The following PIAS1 variants were observed in gnomAD, a reference collection of about 807,000 sequenced individuals.
PIAS1 encodes protein inhibitor of activated STAT 1, also known as E3 SUMO-protein ligase PIAS1.
A neutral mutation model predicts 71.3 loss-of-function variants in PIAS1; 6 were observed. The ratio of observed to expected loss-of-function variants is 0.08; its 90% CI spans 0.05 to 0.17. The LOEUF (loss-of-function observed/expected upper bound fraction) is 0.17. Ranked by LOEUF, PIAS1 falls within the 10% of genes least tolerant of loss-of-function variation. The pLI, the probability that PIAS1 is intolerant of heterozygous loss-of-function variation, is 1.00. For synonymous variants in PIAS1, 303 were observed against 292.9 expected (o/e 1.03, Z -0.35); for missense variants, 555 against 793.6 (o/e 0.70, Z 3.61).
At chr15:68,123,981 T>TAC (rs201775354) in intron 2 of PIAS1, among the ~76,000 whole-genome samples, 6,338 of 21,622 alleles carry the variant, frequency 0.29, 149 homozygotes, top group South Asian at 0.39. Context: ...TATGTGTGAA[T>TAC]ATACACACAC....
chr15:68,108,304 A>G (rs1334626217), intron 2 of PIAS1, among the ~76,000 whole-genome samples: 3 of 152,092 alleles, frequency 2.0e-5, no homozygotes, highest in African/African-American at 7.2e-5. Context: ...GCCAAACCCC[A>G]TGATCTGTTC....
intron 2 of PIAS1, among the ~76,000 whole-genome samples, chr15:68,091,617 G>T (rs927909250): frequency 6.6e-6 from 1 of 152,020 alleles, no homozygotes; most frequent in Non-Finnish European, 1.5e-5. Context: ...CATTCATTTG[G>T]ACTACAGATA....
chr15:68,074,395 C>G (rs1328634796), intron 1 of PIAS1, among the ~76,000 whole-genome samples: 1 of 152,104 alleles, frequency 6.6e-6, no homozygotes, highest in Non-Finnish European at 1.5e-5. Context: ...GCTTGATCTG[C>G]TGGGCTCAAG....
At chr15:68,177,278 CAAAAAA>C (rs3083984) in intron 11 of PIAS1, among the ~76,000 whole-genome samples, 3 of 90,874 alleles carry the variant, frequency 3.3e-5, no homozygotes, top group African/African-American at 8.4e-5. Flanking sequence ...GACTTTGTCT[CAAAAAA>C]AAAAAAAAAA....
intron 1 of PIAS1, among the ~76,000 whole-genome samples, chr15:68,056,082 TA>T (rs995184930): frequency 2.6e-5 from 4 of 152,200 alleles, no homozygotes; most frequent in South Asian, 2.1e-4. Context: ...ACCCTTGAAA[TA>T]AAAAAAAGCA....
intron 1 of PIAS1, chr15:68,061,340 C>A (rs2091956940): frequency 6.6e-6 from 1 of 152,224 alleles, no homozygotes; most frequent in Admixed American, 6.5e-5. Flanking sequence ...ATTTCCCCTT[C>A]CATGTTAAAA....
chr15:68,056,061 G>T (rs2091892702), intron 1 of PIAS1: 1 of 549,602 alleles, frequency 1.8e-6, no homozygotes, highest in Non-Finnish European at 3.3e-6. Flanking sequence ...TTGAATATTT[G>T]GAGATAATTA....
At chr15:68,152,111 G>A (rs145448870) in intron 6 of PIAS1, among the ~76,000 whole-genome samples, 12 of 150,628 alleles carry the variant, frequency 8.0e-5, no homozygotes, top group African/African-American at 2.9e-4. Flanking sequence ...TACCACACCC[G>A]GCTAGTTTTT....
chr15:68,138,641 A>C (rs570450722), intron 2 of PIAS1, among the ~76,000 whole-genome samples: 1 of 152,002 alleles, frequency 6.6e-6, no homozygotes, highest in South Asian at 2.1e-4. Flanking sequence ...CACCTGGCTA[A>C]TGTTTGTATT....
At chr15:68,132,210 G>A (rs1266268543) in intron 2 of PIAS1, among the ~76,000 whole-genome samples, 2 of 152,100 alleles carry the variant, frequency 1.3e-5, no homozygotes, top group Non-Finnish European at 2.9e-5. Flanking sequence ...CGGGCATGGT[G>A]GCTCACACCT....
intron 11 of PIAS1, among the ~76,000 whole-genome samples, chr15:68,177,587 G>T (rs1024001949): frequency 5.9e-5 from 9 of 152,150 alleles, no homozygotes; most frequent in Non-Finnish European, 1.3e-4. Flanking sequence ...TTATACTTCA[G>T]TTCATGAAAC....
At chr15:68,177,105 C>A (rs1405127715) in intron 11 of PIAS1, among the ~76,000 whole-genome samples, 1 of 151,656 alleles carries the variant, frequency 6.6e-6, no homozygotes, top group Non-Finnish European at 1.5e-5. Flanking sequence ...CATGGTGAAA[C>A]CTCATCTCTA....
intron 11 of PIAS1, among the ~76,000 whole-genome samples, chr15:68,177,875 G>A (rs1046695395): frequency 2.6e-5 from 4 of 152,156 alleles, no homozygotes; most frequent in African/African-American, 9.7e-5. Context: ...AGAATCACAT[G>A]GCCTGTTGCA....
rs2093004658 is a variant in PIAS1 at position 68,173,592 on chromosome 15, A to C, written c.1009-140A>C. On this transcript the variant is annotated intron_variant, in intron 8 of 13. Coordinates refer to ENST00000249636, the MANE Select transcript of PIAS1 (RefSeq NM_016166.3). The surrounding 1 kb of genome is among the most constrained non-coding windows in gnomAD (Gnocchi z 4.3). ...GGATATTTCACAGGAAATGTGTTTAATGTTCTTCTACATTGATGAAAAGTC... is the reference window on the plus strand; with the variant it reads ...GGATATTTCACAGGAAATGTGTTTACTGTTCTTCTACATTGATGAAAAGTC... The C allele has an allele frequency of 2.2e-6, 1 of 461,856 alleles. No homozygotes were observed. Among genetic ancestry groups the C allele is most frequent in the Admixed American group, 3.9e-5 (1 of 25,380 alleles). 28.6% of individuals were successfully genotyped at this position (461,856 alleles called of 1,614,324 possible). A position where few individuals can be genotyped will look rare whatever the true frequency, so the allele number is the denominator to read the frequency against.
At chr15:68,179,809 C>T (rs2093043163) in intron 11 of PIAS1, among the ~76,000 whole-genome samples, 1 of 151,682 alleles carries the variant, frequency 6.6e-6, no homozygotes, top group African/African-American at 2.4e-5. Flanking sequence ...AACTCCCAAC[C>T]TCAGGTGATC....
chr15:68,118,712 G>C (rs2092586954), intron 2 of PIAS1, among the ~76,000 whole-genome samples: 3 of 152,050 alleles, frequency 2.0e-5, no homozygotes, highest in African/African-American at 7.2e-5. Context: ...TGATTGATTT[G>C]CATTTCCCTT....
intron 6 of PIAS1, among the ~76,000 whole-genome samples, chr15:68,147,341 ATTATT>A (rs2092815089): frequency 6.6e-6 from 1 of 152,004 alleles, no homozygotes; most frequent in Non-Finnish European, 1.5e-5. Flanking sequence ...TACTTTTTTC[ATTATT>A]ACTGAGATTG....
chr15:68,141,906 A>G (rs1197963821), intron 2 of PIAS1, 40 bp from the exon 3 acceptor site: 2 of 1,343,074 alleles, frequency 1.5e-6, no homozygotes, highest in South Asian at 1.3e-5. Context: ...TTACTGGCGA[A>G]TTTAAAGGTA....
At chr15:68,169,862 T>A (rs2092980367) in intron 8 of PIAS1, among the ~76,000 whole-genome samples, 1 of 152,162 alleles carries the variant, frequency 6.6e-6, no homozygotes, top group Non-Finnish European at 1.5e-5. Context: ...ATTGTGTAGA[T>A]CCCATTTTTA....
Sources: gnomAD v4.1 joint callset for allele counts (sites outside exome capture counted in the v4.1 genomes callset) on GRCh38, gnomAD v4.1.1 for gene constraint, Gnocchi (gnomAD v3.1) non-coding constraint, MANE v1.5 for transcripts, NCBI Gene and HGNC (gene_info 2026-07-23, HGNC 2026-07-21) for gene names.